The following LRRIQ1 variants were observed in gnomAD, a reference collection of about 807,000 sequenced individuals.
LRRIQ1 encodes the protein leucine rich repeats and IQ motif containing 1.
LRRIQ1 carries 210 observed loss-of-function variants against 211.9 expected under a neutral mutation model. That is an observed-to-expected ratio of 0.99 (90% CI 0.89 to 1.11). LRRIQ1 has a LOEUF of 1.11. LRRIQ1 is among the 50% of genes most tolerant of loss of function. The pLI, the probability that LRRIQ1 is intolerant of heterozygous loss-of-function variation, is 0.00. For missense variants in LRRIQ1, 2,136 were observed against 1,939.5 expected (o/e 1.10, Z -1.90); for synonymous variants, 699 against 650.1 (o/e 1.08, Z -1.14).
intron 7 of LRRIQ1, among the ~76,000 whole-genome samples, chr12:85,054,502 A>G (rs1330113977): frequency 6.6e-6 from 1 of 152,064 alleles, no homozygotes; most frequent in Non-Finnish European, 1.5e-5. Flanking sequence ...GTATTTTTCT[A>G]TTATTTTCTT....
intron 11 of LRRIQ1, among the ~76,000 whole-genome samples, chr12:85,094,020 G>GT (rs1885644665): frequency 6.6e-6 from 1 of 152,164 alleles, no homozygotes; most frequent in African/African-American, 2.4e-5. Flanking sequence ...GCAAATGATG[G>GT]TGGCCTTAAA....
intron 18 of LRRIQ1, among the ~76,000 whole-genome samples, chr12:85,130,728 G>A (rs1888690608): frequency 6.6e-6 from 1 of 152,100 alleles, no homozygotes; most frequent in Admixed American, 6.5e-5. Context: ...CATTCTGAGG[G>A]AGTACAGTGT....
intron 14 of LRRIQ1, among the ~76,000 whole-genome samples, chr12:85,106,114 G>A (rs1886765818): frequency 6.6e-6 from 1 of 151,874 alleles, no homozygotes; most frequent in Admixed American, 6.6e-5. Flanking sequence ...ACTTTTTTAA[G>A]GTAAAAAGGT....
In LRRIQ1 at chr12:85,120,391, G is replaced by C. The variant is rs1592833224; in HGVS notation, c.3378-1306G>C. Among the ~76,000 whole-genome samples the C allele has an allele frequency of 2.0e-5, 3 of 152,230 alleles. No homozygotes were observed. In the East Asian group the frequency reaches 5.8e-4, roughly 29 times the overall value. On this transcript the variant is annotated intron_variant, in intron 15 of 26. Transcript: ENST00000393217. ...ACTTTCTATTCTGTTCCTTTGATCTGTCTATTCTTTCACCAATACCATACT... is the reference window on the plus strand; with the variant it reads ...ACTTTCTATTCTGTTCCTTTGATCTCTCTATTCTTTCACCAATACCATACT...
chr12:85,084,221 T>C (rs947334847), intron 11 of LRRIQ1, among the ~76,000 whole-genome samples: 1 of 152,052 alleles, frequency 6.6e-6, no homozygotes, highest in Non-Finnish European at 1.5e-5. Context: ...AAAATTGCAA[T>C]AAAAATAGCA....
intron 1 of LRRIQ1, among the ~76,000 whole-genome samples, chr12:85,257,863 G>A (rs1404106285): frequency 6.6e-6 from 1 of 151,566 alleles, no homozygotes; most frequent in African/African-American, 2.4e-5. Context: ...CATTTGTAGC[G>A]CCACATTCCA....
chr12:85,268,879 A>G (rs1042264521), downstream of LRRIQ1, among the ~76,000 whole-genome samples: 3 of 152,004 alleles, frequency 2.0e-5, no homozygotes, highest in Non-Finnish European at 4.4e-5. Context: ...CCTAGATCCA[A>G]TAAACAACGC....
chr12:85,160,631 C>A lies in LRRIQ1; in HGVS notation c.4739C>A (p.Ala1580Asp). ...TGTTTAGATTCCACTGTGCGTCTAG[C>A]CTTATTCAAAAACAATGAAAATAAA... ...KKKIDSTVRLALFKNNENKVS... is the reference protein window; with the variant it reads ...KKKIDSTVRLDLFKNNENKVS... Residue 1580 changes from alanine (A) to aspartate (D), a missense_variant, in exon 24 of 27, where the codon GCC becomes GAC. Transcript: ENST00000393217. The A allele has an allele frequency of 6.2e-7, 1 of 1,607,108 alleles. No individual in the cohort carries two copies. Among genetic ancestry groups the A allele is most frequent in the Admixed American group, 1.7e-5 (1 of 59,926 alleles).
chr12:85,239,073 T>A (rs1008043763), intron 26 of LRRIQ1, among the ~76,000 whole-genome samples: 1 of 152,096 alleles, frequency 6.6e-6, no homozygotes, highest in Non-Finnish European at 1.5e-5. Context: ...CCCTCTACAC[T>A]CATAACTGCA....
At chr12:85,163,598 TG>T in intron 24 of LRRIQ1, among the ~76,000 whole-genome samples, 1 of 152,286 alleles carries the variant, frequency 6.6e-6, no homozygotes. Flanking sequence ...GTTGACTATA[TG>T]GGGTTTCCAT....
intron 15 of LRRIQ1, among the ~76,000 whole-genome samples, chr12:85,109,194 T>C (rs1301690680): frequency 6.6e-6 from 1 of 152,160 alleles, no homozygotes; most frequent in Non-Finnish European, 1.5e-5. Context: ...TATTAGAGTC[T>C]GGGGAATAGT....
intron 24 of LRRIQ1, among the ~76,000 whole-genome samples, chr12:85,212,939 A>G (rs1473909159): frequency 6.6e-6 from 1 of 151,298 alleles, no homozygotes; most frequent in East Asian, 1.9e-4. Context: ...GGAGTCAAGA[A>G]AGTAAAAAAA....
At chr12:85,198,324 C>G (rs949949787) in intron 24 of LRRIQ1, among the ~76,000 whole-genome samples, 4 of 150,206 alleles carry the variant, frequency 2.7e-5, no homozygotes, top group African/African-American at 4.9e-5. Flanking sequence ...GGTGTATACC[C>G]AAAAGTGGAA....
rs1882815275 is a variant in LRRIQ1, at chr12:85,069,348, C to T, written c.2695+2450C>T. Among the ~76,000 whole-genome samples the T allele has an allele frequency of 2.0e-5, 3 of 151,976 alleles. No homozygotes were observed. In the South Asian group the frequency reaches 6.2e-4, roughly 32 times the overall value. ...CTTAATCCAGTCTATCGTTGTTGTA[C>T]ATTTAGGTTGGTTCCAAGTCTTTGC... On this transcript the variant is annotated intron_variant, in intron 10 of 26. Coordinates refer to ENST00000393217, the MANE Select transcript of LRRIQ1 (RefSeq NM_001079910.2).
intron 24 of LRRIQ1, among the ~76,000 whole-genome samples, chr12:85,210,471 T>C (rs1466678633): frequency 6.6e-6 from 1 of 152,236 alleles, no homozygotes; most frequent in East Asian, 1.9e-4. Flanking sequence ...TTTCTCTTTT[T>C]AAACTAAAAT....
At chr12:85,221,996 G>A (rs958991228) in intron 24 of LRRIQ1, among the ~76,000 whole-genome samples, 1 of 152,132 alleles carries the variant, frequency 6.6e-6, no homozygotes, top group Non-Finnish European at 1.5e-5. Context: ...GTGGCAGTGG[G>A]AATGGAGGGG....
At chr12:85,193,332 A>C (rs1238937527) in intron 24 of LRRIQ1, among the ~76,000 whole-genome samples, 2 of 117,900 alleles carry the variant, frequency 1.7e-5, no homozygotes, top group Non-Finnish European at 3.4e-5. Context: ...CGCCACAAAG[A>C]TACTCCTCGA....
intron 19 of LRRIQ1, among the ~76,000 whole-genome samples, chr12:85,139,784 A>G (rs1889388395): frequency 6.6e-6 from 1 of 151,420 alleles, no homozygotes; most frequent in African/African-American, 2.4e-5. Flanking sequence ...TAAAAATTCA[A>G]CATTAATCTA....
At chr12:85,036,748 CT>C (rs5799718) in intron 1 of LRRIQ1, among the ~76,000 whole-genome samples, 23 of 148,086 alleles carry the variant, frequency 1.6e-4, no homozygotes, top group Middle Eastern at 3.4e-3. Context: ...CTCTTTCTTT[CT>C]TTTTTTTTTG....
Sources: allele counts gnomAD v4.1 joint callset (sites outside exome capture counted in the v4.1 genomes callset), GRCh38; gene constraint gnomAD v4.1.1; transcripts MANE v1.5; gene names NCBI Gene and HGNC (gene_info 2026-07-23, HGNC 2026-07-21).